NXPH2: variants seen among roughly 807,000 people sequenced by gnomAD.
The protein encoded by NXPH2 is neurexophilin 2, also known as neurexophilin-2.
NXPH2 carries 5 observed loss-of-function variants against 19.8 expected under a neutral mutation model. The ratio of observed to expected loss-of-function variants is 0.25; its 90% CI spans 0.13 to 0.53. The LOEUF is 0.53. Among genes scored for constraint, NXPH2 ranks in the 20% least tolerant of loss-of-function variants. The pLI, the probability that NXPH2 is intolerant of heterozygous loss-of-function variation, is 0.96. For synonymous variants in NXPH2, 154 were observed against 127.4 expected (o/e 1.21, Z -1.41); for missense variants, 289 against 322.8 (o/e 0.90, Z 0.80).
intron 1 of NXPH2, among the ~76,000 whole-genome samples, chr2:138,684,810 C>CTCAG (rs1459137739): frequency 6.6e-6 from 1 of 152,186 alleles, no homozygotes; most frequent in Non-Finnish European, 1.5e-5. Flanking sequence ...TGGATCTGCC[C>CTCAG]TCAGAGTCAT....
chr2:138,684,265 T>C (rs1680616676), intron 1 of NXPH2, among the ~76,000 whole-genome samples: 1 of 152,132 alleles, frequency 6.6e-6, no homozygotes, highest in African/African-American at 2.4e-5. Context: ...TTGTACTTTC[T>C]ATAGTAATAC....
chr2:138,686,772 A>C (rs927942734), intron 1 of NXPH2, among the ~76,000 whole-genome samples: 1 of 151,960 alleles, frequency 6.6e-6, no homozygotes, highest in Non-Finnish European at 1.5e-5. Context: ...TCATTGTTCA[A>C]TTCCCACCTA....
At chr2:138,759,976 G>T (rs960180856) in intron 1 of NXPH2, among the ~76,000 whole-genome samples, 7 of 151,980 alleles carry the variant, frequency 4.6e-5, no homozygotes, top group African/African-American at 1.7e-4. Context: ...TGATCCGCCC[G>T]CCTCGGCCTC....
chr2:138,715,836 C>T (rs929695966), intron 1 of NXPH2, among the ~76,000 whole-genome samples: 2 of 152,190 alleles, frequency 1.3e-5, no homozygotes, highest in African/African-American at 2.4e-5. Flanking sequence ...GTCTCATCAG[C>T]CACCTCTTCA....
In NXPH2 at chr2:138,670,877, T is replaced by A. The variant is rs1328961766; in HGVS notation, c.*45A>T. The stretch of plus-strand genomic sequence containing the variant: ...AGCTGGGCTTGTTTCTTTGTCATTC[T>A]AATCAAATACATATGTATCCCTCAT... On this transcript the variant is annotated 3_prime_UTR_variant, in exon 2 of 2. Transcript: ENST00000272641. The A allele has an allele frequency of 6.4e-7, 1 of 1,552,908 alleles. No homozygotes were observed. Among genetic ancestry groups the A allele is most frequent in the Middle Eastern group, 1.7e-4 (1 of 5,746 alleles).
intron 1 of NXPH2, among the ~76,000 whole-genome samples, chr2:138,774,269 T>C (rs1682223616): frequency 1.3e-5 from 2 of 152,222 alleles, no homozygotes; most frequent in Non-Finnish European, 2.9e-5. Flanking sequence ...TTTAACTTTT[T>C]ATTGATTTTG....
chr2:138,672,771 T>C (rs1033974026), intron 1 of NXPH2, among the ~76,000 whole-genome samples: 2 of 152,214 alleles, frequency 1.3e-5, no homozygotes, highest in African/African-American at 4.8e-5. Context: ...CCTTTCAAAC[T>C]TGGCAAAACA....
chr2:138,774,700 T>A (rs1364442804), intron 1 of NXPH2, among the ~76,000 whole-genome samples: 1 of 152,128 alleles, frequency 6.6e-6, no homozygotes, highest in Non-Finnish European at 1.5e-5. Flanking sequence ...CTCACACCCT[T>A]GGACCAACTC....
At chr2:138,780,063 G>C in intron 1 of NXPH2, 128 bp downstream of exon 1, 1 of 884,218 alleles carries the variant, frequency 1.1e-6, no homozygotes, top group South Asian at 2.0e-5. Flanking sequence ...AAAACTCCTT[G>C]CCCTCCGCGC....
chr2:138,679,562 G>A (rs1462101234), intron 1 of NXPH2, among the ~76,000 whole-genome samples: 2 of 152,010 alleles, frequency 1.3e-5, no homozygotes, highest in Non-Finnish European at 2.9e-5. Flanking sequence ...CACCACGCCC[G>A]GCTAATTTTG....
intron 1 of NXPH2, among the ~76,000 whole-genome samples, chr2:138,676,810 T>C (rs1680490849): frequency 1.3e-5 from 2 of 152,210 alleles, no homozygotes; most frequent in Non-Finnish European, 2.9e-5. Flanking sequence ...GAGCAACTTG[T>C]TCAGTGCCAT....
In NXPH2 at chr2:138,673,449, T is replaced by C. The variant is rs546204815; in HGVS notation, c.52-1784A>G. On this transcript the variant is annotated intron_variant, in intron 1 of 1. Transcript: ENST00000272641. ...GTATTTGATACATGCATAAAATGTG[T>C]AATGATTAAGTCAGAGTATTTAGGG... Among the ~76,000 whole-genome samples the C allele has an allele frequency of 2.6e-4, 40 of 152,310 alleles. 1 individual carries two copies. In the East Asian group the frequency reaches 2.9e-3, roughly 11 times the overall value.
rs1680401819 is a variant in NXPH2 at position 138,670,819 on chromosome 2, T to A, written c.*103A>T. On this transcript the variant is annotated 3_prime_UTR_variant, in exon 2 of 2. Coordinates refer to ENST00000272641, the MANE Select transcript of NXPH2 (RefSeq NM_007226.3). ...AACCTGATAGGGAACTATTGTTCAC[T>A]GCCAGAAACAAAAGGGATCCTTTAT... 1 of 1,265,392 alleles carries A rather than the reference T, an allele frequency of 7.9e-7. No individual in the cohort carries two copies. The allele number at this position is 1,265,392 out of a possible 1,614,324, so 78.4% of individuals were successfully genotyped here.
chr2:138,748,628 A>G (rs1681778790), intron 1 of NXPH2, among the ~76,000 whole-genome samples: 1 of 152,176 alleles, frequency 6.6e-6, no homozygotes, highest in Admixed American at 6.6e-5. Flanking sequence ...ACACACATAC[A>G]CACATGCACA....
intron 1 of NXPH2, among the ~76,000 whole-genome samples, chr2:138,683,512 G>A (rs952238063): frequency 1.3e-5 from 2 of 152,118 alleles, no homozygotes; most frequent in African/African-American, 4.8e-5. Flanking sequence ...AGACACACGC[G>A]GTGTGGGTTT....
intron 1 of NXPH2, among the ~76,000 whole-genome samples, chr2:138,718,435 A>G (rs752678716): frequency 2.0e-5 from 3 of 152,200 alleles, no homozygotes; most frequent in Non-Finnish European, 2.9e-5. Context: ...GATAATGACT[A>G]TGAATTTAGA....
intron 1 of NXPH2, among the ~76,000 whole-genome samples, chr2:138,739,531 T>C (rs1681611002): frequency 6.6e-6 from 1 of 151,950 alleles, no homozygotes; most frequent in Admixed American, 6.6e-5. Flanking sequence ...AGAGAGGAAA[T>C]GGCAAGTGGT....
At chr2:138,729,763 G>A (rs980996052) in intron 1 of NXPH2, among the ~76,000 whole-genome samples, 5 of 152,114 alleles carry the variant, frequency 3.3e-5, no homozygotes, top group African/African-American at 1.2e-4. Flanking sequence ...CTTCCAACAT[G>A]CTGCAGCTTT....
chr2:138,707,484 T>G, intron 1 of NXPH2, among the ~76,000 whole-genome samples: 1 of 152,202 alleles, frequency 6.6e-6, no homozygotes. Context: ...GAGTTGGAGC[T>G]GGGATCTAAA....
Sources: allele counts gnomAD v4.1 joint callset (sites outside exome capture counted in the v4.1 genomes callset), GRCh38; gene constraint gnomAD v4.1.1; transcripts MANE v1.5; gene names NCBI Gene and HGNC (gene_info 2026-07-23, HGNC 2026-07-21).